Variants in BASP1 observed in about 807,000 individuals in gnomAD.
BASP1 encodes brain acid soluble protein 1.
In BASP1, 1 loss-of-function variant was observed where a neutral mutation model predicts 2.2. The observed-to-expected ratio is 0.46, with a 90% CI of 0.16 to 2.17. BASP1 has a LOEUF of 2.17. Among genes scored for constraint, BASP1 ranks in the 30% most tolerant of loss-of-function variants. The pLI, the probability that BASP1 is intolerant of heterozygous loss-of-function variation, is 0.27. For synonymous variants in BASP1, 187 were observed against 154.2 expected (o/e 1.21, Z -1.58); for missense variants, 352 against 327.2 (o/e 1.08, Z -0.58).
chr5:17,272,008 G>T (rs939061083), intron 1 of BASP1, among the ~76,000 whole-genome samples: 9 of 150,954 alleles, frequency 6.0e-5, no homozygotes, highest in African/African-American at 2.2e-4. Flanking sequence ...GGAGGTTGCA[G>T]TGAGCCGAGA....
intron 1 of BASP1, among the ~76,000 whole-genome samples, chr5:17,221,407 G>A (rs1422703193): frequency 6.9e-6 from 1 of 144,320 alleles, no homozygotes; most frequent in African/African-American, 2.6e-5. Flanking sequence ...GAAGACCTGT[G>A]AACTATTATT....
chr5:17,260,530 C>A lies in BASP1; in HGVS notation c.-9-14678C>A, dbSNP rs1430044006. 6.6e-6 allele frequency among the ~76,000 whole-genome samples: 1 copy of A among 152,084 alleles called. No individual in the cohort carries two copies. Among genetic ancestry groups the A allele is most frequent in the Non-Finnish European group, 1.5e-5 (1 of 68,018 alleles). ...AGAGAGTTTGTGATCATGGATGGCG[C>A]CTGGAACTTGACCGCATTTCATTTA... On this transcript the variant is annotated intron_variant, in intron 1 of 1. Transcript: ENST00000322611. This position sits in a 1 kb window ranked among gnomAD's most constrained non-coding sequence, Gnocchi z 4.2.
intron 1 of BASP1, among the ~76,000 whole-genome samples, chr5:17,218,067 G>A (rs1311771244): frequency 6.6e-6 from 1 of 151,538 alleles, no homozygotes; most frequent in Non-Finnish European, 1.5e-5. Context: ...GGGGGGCGGC[G>A]AGGTTGGTAA....
chr5:17,225,476 A>C (rs1389384819), intron 1 of BASP1, among the ~76,000 whole-genome samples: 1 of 152,222 alleles, frequency 6.6e-6, no homozygotes, highest in Non-Finnish European at 1.5e-5. Context: ...TATGCCAAAA[A>C]GTATATGGCA....
chr5:17,271,418 G>A (rs1020588980), intron 1 of BASP1, among the ~76,000 whole-genome samples: 2 of 152,044 alleles, frequency 1.3e-5, no homozygotes, highest in African/African-American at 2.4e-5. Flanking sequence ...CACCACACCC[G>A]GTCTTTAAAG....
chr5:17,254,061 A>T (rs1405475060), intron 1 of BASP1, among the ~76,000 whole-genome samples: 1 of 152,108 alleles, frequency 6.6e-6, no homozygotes, highest in African/African-American at 2.4e-5. Context: ...AGTTTTTGGT[A>T]ATTTGAACTA....
chr5:17,263,976 A>G (rs1194536054), intron 1 of BASP1, among the ~76,000 whole-genome samples: 1 of 152,222 alleles, frequency 6.6e-6, no homozygotes, highest in Non-Finnish European at 1.5e-5. Context: ...GCCTTGGCTG[A>G]ATCAGACACC....
Position 17,275,216 on chromosome 5 carries a change from G to C in BASP1, c.-1G>C. On this transcript the variant is annotated 5_prime_UTR_variant, in exon 2 of 2. Coordinates refer to ENST00000322611, the MANE Select transcript of BASP1 (RefSeq NM_006317.5). This position sits in a 1 kb window ranked among gnomAD's most constrained non-coding sequence, Gnocchi z 5.3. ...TTTGTGTTTGCTTCCAGAACTCCAA[G>C]ATGGGAGGCAAGCTCAGCAAGAAGA... 6.2e-7 allele frequency: 1 copy of C among 1,613,438 alleles called. No individual in the cohort carries two copies.
At chr5:17,223,952 A>G (rs1739439493) in intron 1 of BASP1, among the ~76,000 whole-genome samples, 2 of 152,206 alleles carry the variant, frequency 1.3e-5, no homozygotes, top group Non-Finnish European at 2.9e-5. Context: ...ACCTGGAGTA[A>G]AACTGAAAGT....
At chr5:17,259,634 A>C (rs1740277390) in intron 1 of BASP1, among the ~76,000 whole-genome samples, 1 of 152,184 alleles carries the variant, frequency 6.6e-6, no homozygotes, top group Non-Finnish European at 1.5e-5. Context: ...GATACATGAA[A>C]ATGTCAATAT....
intron 1 of BASP1, among the ~76,000 whole-genome samples, chr5:17,243,244 G>T (rs1219701655): frequency 1.3e-5 from 2 of 151,982 alleles, no homozygotes; most frequent in East Asian, 3.9e-4. Flanking sequence ...CACTTTCTGG[G>T]TTCAAGCAAT....
chr5:17,249,002 G>A (rs1740048501), intron 1 of BASP1, among the ~76,000 whole-genome samples: 1 of 152,118 alleles, frequency 6.6e-6, no homozygotes, highest in Non-Finnish European at 1.5e-5. Flanking sequence ...AATTATATAT[G>A]TGTTGCATTG....
At chr5:17,234,558 A>G (rs1739701521) in intron 1 of BASP1, among the ~76,000 whole-genome samples, 2 of 152,238 alleles carry the variant, frequency 1.3e-5, no homozygotes, top group Admixed American at 6.5e-5. Flanking sequence ...TTTGTATACA[A>G]ATGAACAGCT....
chr5:17,268,434 T>A (rs910530385), intron 1 of BASP1, among the ~76,000 whole-genome samples: 1 of 152,226 alleles, frequency 6.6e-6, no homozygotes, highest in Non-Finnish European at 1.5e-5. Flanking sequence ...AAGTTCTGGA[T>A]GAGTTGGTCA....
intron 1 of BASP1, among the ~76,000 whole-genome samples, chr5:17,218,632 A>C (rs935601605): frequency 6.6e-6 from 1 of 151,758 alleles, no homozygotes; most frequent in East Asian, 1.9e-4. Context: ...TGAACCTGAC[A>C]GCGCGCGGCC....
chr5:17,264,227 A>G (rs944611804), intron 1 of BASP1, among the ~76,000 whole-genome samples: 2 of 152,230 alleles, frequency 1.3e-5, no homozygotes, highest in Non-Finnish European at 2.9e-5. Flanking sequence ...AGTATTGAAA[A>G]TACTTTGTAT....
At chr5:17,219,017 C>T (rs899805319) in intron 1 of BASP1, among the ~76,000 whole-genome samples, 3 of 152,070 alleles carry the variant, frequency 2.0e-5, no homozygotes, top group Non-Finnish European at 4.4e-5. Context: ...CTCTGTCTCC[C>T]CCGCGGCCAC....
chr5:17,242,668 G>A (rs759225234), intron 1 of BASP1, among the ~76,000 whole-genome samples: 16 of 152,040 alleles, frequency 1.1e-4, no homozygotes, highest in Non-Finnish European at 2.4e-4. Flanking sequence ...TTAAATGATC[G>A]TAAGTGCATT....
At chr5:17,266,160 A>G (rs759811969) in intron 1 of BASP1, among the ~76,000 whole-genome samples, 26 of 152,176 alleles carry the variant, frequency 1.7e-4, no homozygotes, top group Admixed American at 3.9e-4. Flanking sequence ...ACAGTGCGGG[A>G]TATTTTCACC....
Sources: gnomAD v4.1 joint callset for allele counts (sites outside exome capture counted in the v4.1 genomes callset) on GRCh38, gnomAD v4.1.1 for gene constraint, Gnocchi (gnomAD v3.1) non-coding constraint, MANE v1.5 for transcripts, NCBI Gene and HGNC (gene_info 2026-07-23, HGNC 2026-07-21) for gene names.